Variants in TTC9 observed in about 807,000 individuals in gnomAD.
TTC9 encodes the protein tetratricopeptide repeat protein 9A.
Under a neutral mutation model 22.9 loss-of-function variants are expected in TTC9, and 13 were observed. The ratio of observed to expected loss-of-function variants is 0.57; its 90% CI spans 0.37 to 0.90. The LOEUF (loss-of-function observed/expected upper bound fraction) is 0.90. TTC9 is among the 40% of genes least tolerant of loss of function. The pLI, the probability that TTC9 is intolerant of heterozygous loss-of-function variation, is 0.01. For synonymous variants in TTC9, 148 were observed against 133.2 expected, an observed-to-expected ratio of 1.11 and a Z score of -0.77; for missense variants, 280 against 291.8, an observed-to-expected ratio of 0.96 and a Z score of 0.29.
chr14:70,669,788 C>T (rs1341185543), intron 2 of TTC9, among the ~76,000 whole-genome samples: 1 of 152,098 alleles, frequency 6.6e-6, no homozygotes, highest in East Asian at 1.9e-4. Flanking sequence ...TTTTCTGGAG[C>T]ACTGCTATCT....
intron 1 of TTC9, among the ~76,000 whole-genome samples, chr14:70,646,167 G>A (rs1885898299): frequency 6.6e-6 from 1 of 152,200 alleles, no homozygotes; most frequent in African/African-American, 2.4e-5. Flanking sequence ...GGCCAGTTGT[G>A]CTGGGCCCCT....
At chr14:70,670,857 C>T (rs1886283901) in intron 2 of TTC9, among the ~76,000 whole-genome samples, 1 of 151,914 alleles carries the variant, frequency 6.6e-6, no homozygotes, top group Non-Finnish European at 1.5e-5. Context: ...TCTCACATCC[C>T]CTGGGTCATG....
At chr14:70,665,761 T>C (rs1184738390) in intron 1 of TTC9, among the ~76,000 whole-genome samples, 4 of 152,162 alleles carry the variant, frequency 2.6e-5, no homozygotes, top group Non-Finnish European at 4.4e-5. Context: ...TCTTAAAAAA[T>C]CTCAGCAATT....
Position 70,652,743 on chromosome 14 carries a change from G to C in TTC9, c.406+10208G>C, listed in dbSNP as rs868442733. 3.3e-5 allele frequency among the ~76,000 whole-genome samples: 5 copies of C among 152,282 alleles called. No homozygotes were observed. The South Asian group carries it at 1.0e-3, about 32-fold the overall frequency. ...TCTGAGCATTTGGGGATGTGATTCT[G>C]GGCCTGTTACTTATGTCCAATCAGA... On this transcript the variant is annotated intron_variant, in intron 1 of 2. Coordinates refer to ENST00000256367, the MANE Select transcript of TTC9 (RefSeq NM_015351.2).
At chr14:70,646,522 T>A (rs985944430) in intron 1 of TTC9, among the ~76,000 whole-genome samples, 3 of 152,196 alleles carry the variant, frequency 2.0e-5, no homozygotes, top group African/African-American at 7.2e-5. Flanking sequence ...CAACACACAA[T>A]AACTTTGTTG....
chr14:70,642,671 G>C, intron 1 of TTC9, 136 bp downstream of exon 1: 1 of 817,100 alleles, frequency 1.2e-6, no homozygotes, highest in Middle Eastern at 3.2e-4. Context: ...GGAGGGAGGC[G>C]CTTTGGAAAA....
chr14:70,654,847 G>C (rs747378981), intron 1 of TTC9, among the ~76,000 whole-genome samples: 31 of 152,110 alleles, frequency 2.0e-4, no homozygotes, highest in Non-Finnish European at 3.4e-4. Context: ...AAATGGAAGC[G>C]AGGTACAGAA....
intron 1 of TTC9, among the ~76,000 whole-genome samples, chr14:70,664,597 G>A (rs1390109781): frequency 2.0e-5 from 3 of 152,070 alleles, no homozygotes; most frequent in Non-Finnish European, 4.4e-5. Flanking sequence ...ATGGTGGCGG[G>A]CATCTGTAGT....
chr14:70,663,663 A>T (rs1038066599), intron 1 of TTC9, among the ~76,000 whole-genome samples: 1 of 151,936 alleles, frequency 6.6e-6, no homozygotes, highest in African/African-American at 2.4e-5. Context: ...AATATTTGAG[A>T]TAACATGACC....
At chr14:70,665,936 G>A (rs116893219) in intron 1 of TTC9, among the ~76,000 whole-genome samples, 2,501 of 152,202 alleles carry the variant, frequency 0.016, 24 homozygotes, top group Non-Finnish European at 0.025. Context: ...CCACCCAGCC[G>A]GGTTGTGAAC....
At chr14:70,664,228 G>A (rs1267144949) in intron 1 of TTC9, among the ~76,000 whole-genome samples, 1 of 151,866 alleles carries the variant, frequency 6.6e-6, no homozygotes, top group African/African-American at 2.4e-5. Context: ...GGAGCAATCA[G>A]GAGGCAGCCA....
At chr14:70,661,962 A>G (rs1886150126) in intron 1 of TTC9, among the ~76,000 whole-genome samples, 1 of 152,156 alleles carries the variant, frequency 6.6e-6, no homozygotes, top group Non-Finnish European at 1.5e-5. Flanking sequence ...CACCTCTGCT[A>G]TCACCCTGTT....
intron 1 of TTC9, 133 bp downstream of exon 1, chr14:70,642,668 G>A (rs1371201554): frequency 1.2e-6 from 1 of 839,026 alleles, no homozygotes; most frequent in Non-Finnish European, 1.8e-6. Flanking sequence ...CCGGGAGGGA[G>A]GCGCTTTGGA....
chr14:70,668,555 A>G lies in TTC9; in HGVS notation c.589+809A>G, dbSNP rs968071539. 1.3e-4 allele frequency among the ~76,000 whole-genome samples: 20 copies of G among 152,330 alleles called. No homozygotes were observed. In the South Asian group the frequency reaches 4.1e-3, roughly 32 times the overall value. On this transcript the variant is annotated intron_variant, in intron 2 of 2. Coordinates refer to ENST00000256367, the MANE Select transcript of TTC9 (RefSeq NM_015351.2). ...AAAATAAAGCAGAATAAAGAGATCA[A>G]GAGTAAATGGGGGCGCTGGGCGTGG...
intron 1 of TTC9, among the ~76,000 whole-genome samples, chr14:70,654,224 C>T (rs888609586): frequency 1.3e-4 from 20 of 152,242 alleles, no homozygotes; most frequent in Admixed American, 1.2e-3. Context: ...TCACACCTCT[C>T]CTCCCAAGTT....
intron 1 of TTC9, among the ~76,000 whole-genome samples, chr14:70,660,616 T>C (rs1166535222): frequency 2.6e-5 from 4 of 152,170 alleles, no homozygotes; most frequent in African/African-American, 7.2e-5. Context: ...AGGGTGATCA[T>C]ATAACTCGCC....
At chr14:70,661,796 G>T (rs1047351432) in intron 1 of TTC9, among the ~76,000 whole-genome samples, 2 of 152,274 alleles carry the variant, frequency 1.3e-5, no homozygotes, top group South Asian at 2.1e-4. Flanking sequence ...CGACCCCTCT[G>T]TGGGCCTCAG....
intron 1 of TTC9, among the ~76,000 whole-genome samples, chr14:70,653,136 A>G (rs1006080158): frequency 6.6e-6 from 1 of 152,232 alleles, no homozygotes; most frequent in East Asian, 1.9e-4. Flanking sequence ...TAAATTAATG[A>G]TACATGCACA....
intron 1 of TTC9, 28 bp downstream of exon 1, chr14:70,642,563 C>T (rs1316025278): frequency 1.3e-6 from 2 of 1,518,092 alleles, no homozygotes; most frequent in Non-Finnish European, 8.8e-7. Context: ...CCCCGCGCCG[C>T]GGTCCCCGTT....
Sources: allele counts gnomAD v4.1 joint callset (sites outside exome capture counted in the v4.1 genomes callset), GRCh38; gene constraint gnomAD v4.1.1; transcripts MANE v1.5; gene names NCBI Gene and HGNC (gene_info 2026-07-23, HGNC 2026-07-21).